Variants in HDAC2 observed in about 807,000 individuals in gnomAD.
HDAC2 encodes the protein YY1-associated factor 1.
Under a neutral mutation model 68.5 loss-of-function variants are expected in HDAC2, and 5 were observed. The observed-to-expected ratio is 0.07, with a 90% CI of 0.04 to 0.15. HDAC2 has a LOEUF of 0.15. HDAC2 is among the 10% of genes least tolerant of loss of function. The pLI is 1.00. For synonymous variants in HDAC2, 182 were observed against 191.3 expected (o/e 0.95, Z 0.40); for missense variants, 291 against 600.8 (o/e 0.48, Z 5.39).
intron 9 of HDAC2, among the ~76,000 whole-genome samples, chr6:113,945,784 G>A (rs1241568306): frequency 6.6e-6 from 1 of 152,284 alleles, no homozygotes; most frequent in East Asian, 1.9e-4. Context: ...AACAGGCTCA[G>A]TATTAGATTA....
intron 8 of HDAC2, chr6:113,946,400 C>T (rs1302019775): frequency 2.0e-5 from 6 of 298,824 alleles, no homozygotes; most frequent in Non-Finnish European, 3.1e-5. Context: ...AAGTCAAGTA[C>T]ACAACTATAT....
intron 1 of HDAC2, among the ~76,000 whole-genome samples, chr6:113,962,786 AC>A (rs988472277): frequency 5.3e-5 from 8 of 150,448 alleles, no homozygotes; most frequent in Admixed American, 1.3e-4. Context: ...ACATTGTGAA[AC>A]CCCGTCTCTA....
intron 1 of HDAC2, among the ~76,000 whole-genome samples, chr6:113,963,140 G>A (rs1174842039): frequency 6.6e-6 from 1 of 151,484 alleles, no homozygotes; most frequent in Non-Finnish European, 1.5e-5. Flanking sequence ...CTGGAGTGCG[G>A]TGATGTGATC....
chr6:113,955,984 GAA>G (rs1186038303), intron 5 of HDAC2, 27 bp downstream of exon 5: 1 of 1,519,260 alleles, frequency 6.6e-7, no homozygotes, highest in South Asian at 1.2e-5. Context: ...CTTTATCACT[GAA>G]AAGAGTATCA....
intron 1 of HDAC2, chr6:113,970,613 G>C: frequency 7.5e-7 from 1 of 1,326,430 alleles, no homozygotes; most frequent in Non-Finnish European, 9.6e-7. Flanking sequence ...CTGCACGGCC[G>C]AAGGGGGAGA....
chr6:113,956,451 T>C (rs760048921), intron 4 of HDAC2, 168 bp downstream of exon 4: 7 of 602,520 alleles, frequency 1.2e-5, no homozygotes, highest in South Asian at 2.3e-5. Context: ...TAAGTCATAA[T>C]CATAAAACAT....
In HDAC2 at chr6:113,969,279, C is replaced by G. The variant is rs868239494; in HGVS notation, c.52+1578G>C. Among the ~76,000 whole-genome samples the G allele has an allele frequency of 3.9e-5, 6 of 152,334 alleles. No individual in the cohort carries two copies. The Middle Eastern group carries it at 0.02, about 518-fold the overall frequency. On this transcript the variant is annotated intron_variant, in intron 1 of 13. Coordinates refer to ENST00000519065, the MANE Select transcript of HDAC2 (RefSeq NM_001527.4). ...TAGGGCTGTTATTATTCTGTCCTAG[C>G]TATCGCAGATCAATTTAGATTTGTT...
chr6:113,963,294 G>GGA (rs752158986), intron 1 of HDAC2, among the ~76,000 whole-genome samples: 3 of 151,876 alleles, frequency 2.0e-5, no homozygotes, highest in Non-Finnish European at 4.4e-5. Context: ...ATATTTGCCA[G>GGA]GCTTGTCTCA....
In HDAC2 at chr6:113,970,945, C is replaced by CCTGCTG. The variant is rs528988883; in HGVS notation, c.-43_-38dup. On this transcript the variant is annotated 5_prime_UTR_variant, in exon 1 of 14. Coordinates refer to ENST00000519065, the MANE Select transcript of HDAC2 (RefSeq NM_001527.4). ...CCACCGCCGCCACCGGGCTCCTCCT[C>CCTGCTG]CTGCTGCTGCTGCTGCTGCTGCTGC... 3.9e-4 allele frequency: 597 copies of CCTGCTG among 1,544,250 alleles called. 4 individuals carry two copies. The highest frequency in any genetic ancestry group is 2.5e-3 in the South Asian group (210 of 83,650).
intron 1 of HDAC2, among the ~76,000 whole-genome samples, chr6:113,961,471 C>T (rs1776682176): frequency 6.6e-6 from 1 of 152,158 alleles, no homozygotes; most frequent in Non-Finnish European, 1.5e-5. Context: ...GGGAAAGCCA[C>T]CTTTTTAATG....
chr6:113,969,383 T>C (rs1776918626), intron 1 of HDAC2, among the ~76,000 whole-genome samples: 1 of 152,262 alleles, frequency 6.6e-6, no homozygotes, highest in African/African-American at 2.4e-5. Flanking sequence ...TAATCCTTTT[T>C]AACTAAAAAG....
chr6:113,954,894 ATCTC>A (rs1049432670), intron 5 of HDAC2, among the ~76,000 whole-genome samples: 1 of 152,204 alleles, frequency 6.6e-6, no homozygotes, highest in Non-Finnish European at 1.5e-5. Context: ...ACCTCTATAG[ATCTC>A]TCTCTCAAAC....
rs550493422 is a variant in HDAC2 at position 113,937,974 on chromosome 6, C to G, written c.*3084G>C. The G allele has an allele frequency of 6.6e-6, 1 of 152,174 alleles. No individual in the cohort carries two copies. Among genetic ancestry groups the G allele is most frequent in the African/African-American group, 2.4e-5 (1 of 41,420 alleles). The allele number at this position is 152,174 out of a possible 1,614,324, so 9.4% of individuals were successfully genotyped here. A position where few individuals can be genotyped will look rare whatever the true frequency, so the allele number is the denominator to read the frequency against. On this transcript the variant is annotated 3_prime_UTR_variant, in exon 14 of 14. Transcript: ENST00000519065. ...CAGCCTGGCCAACATAGTGAAACCC[C>G]GTCTCTACTAAAAATGCGAACAATT... is the stretch of plus-strand genomic sequence containing the variant.
chr6:113,964,611 C>T (rs1483117439), intron 1 of HDAC2, among the ~76,000 whole-genome samples: 1 of 152,168 alleles, frequency 6.6e-6, no homozygotes, highest in Non-Finnish European at 1.5e-5. Context: ...GGAGTTAAGT[C>T]CTGGGACCAG....
At chr6:113,950,782 G>A (rs1462237220) in intron 6 of HDAC2, among the ~76,000 whole-genome samples, 1 of 151,954 alleles carries the variant, frequency 6.6e-6, no homozygotes, top group African/African-American at 2.4e-5. Flanking sequence ...TAGCACTTGT[G>A]CAAGTTCTTC....
chr6:113,964,524 A>G (rs1018486408), intron 1 of HDAC2, among the ~76,000 whole-genome samples: 1 of 152,054 alleles, frequency 6.6e-6, no homozygotes, highest in African/African-American at 2.4e-5. Context: ...AGAGCCTACC[A>G]TGTGCCAAGC....
intron 2 of HDAC2, among the ~76,000 whole-genome samples, chr6:113,959,398 A>G (rs996394276): frequency 3.9e-5 from 6 of 151,948 alleles, no homozygotes. Context: ...GTTTATACAT[A>G]CCCTCATCTT....
At chr6:113,954,746 A>T (rs763626379) in intron 5 of HDAC2, among the ~76,000 whole-genome samples, 6 of 152,226 alleles carry the variant, frequency 3.9e-5, no homozygotes, top group Non-Finnish European at 7.3e-5. Flanking sequence ...CTGAAAAGTC[A>T]GCCTCTATGG....
In HDAC2 at chr6:113,938,351, T is replaced by A. The variant is rs1562137710; in HGVS notation, c.*2707A>T. Reference sequence around the variant, plus strand: ...CCTTTTGACCTGGATGAGTTACAAATCTGCCTCCCACTCTGTCTTTTGTCA... The same window carrying A: ...CCTTTTGACCTGGATGAGTTACAAAACTGCCTCCCACTCTGTCTTTTGTCA... On this transcript the variant is annotated 3_prime_UTR_variant, in exon 14 of 14. Coordinates refer to ENST00000519065, the MANE Select transcript of HDAC2 (RefSeq NM_001527.4). The A allele has an allele frequency of 6.6e-6, 1 of 152,228 alleles. No homozygotes were observed. Among genetic ancestry groups the A allele is most frequent in the Non-Finnish European group, 1.5e-5 (1 of 68,038 alleles). 9.4% of individuals were successfully genotyped at this position (152,228 alleles called of 1,614,324 possible).
Sources: gnomAD v4.1 joint callset for allele counts (sites outside exome capture counted in the v4.1 genomes callset) on GRCh38, gnomAD v4.1.1 for gene constraint, MANE v1.5 for transcripts, NCBI Gene and HGNC (gene_info 2026-07-23, HGNC 2026-07-21) for gene names.